The following FTO variants were observed in gnomAD, a reference collection of about 807,000 sequenced individuals.
The protein encoded by FTO is FTO alpha-ketoglutarate dependent dioxygenase.
Under a neutral mutation model 63.9 loss-of-function variants are expected in FTO, and 47 were observed. The ratio of observed to expected loss-of-function variants is 0.74; its 90% confidence interval spans 0.58 to 0.94. The LOEUF is 0.94. Ranked by LOEUF, FTO falls within the 40% of genes least tolerant of loss-of-function variation. The pLI is 0.00. For synonymous variants in FTO, 207 were observed against 224.4 expected (o/e 0.92, Z 0.69); for missense variants, 562 against 618.1 (o/e 0.91, Z 0.96).
chr16:54,106,267 G>A (rs1390228206), intron 8 of FTO, among the ~76,000 whole-genome samples: 1 of 151,886 alleles, frequency 6.6e-6, no homozygotes, highest in Non-Finnish European at 1.5e-5. Flanking sequence ...TTGGTCAGGA[G>A]GACCTCTAGA....
intron 8 of FTO, among the ~76,000 whole-genome samples, chr16:54,075,994 C>T (rs1341405703): frequency 6.6e-6 from 1 of 152,122 alleles, no homozygotes; most frequent in Non-Finnish European, 1.5e-5. Context: ...TCCCCATCTT[C>T]CCCTAGCTCA....
chr16:53,887,048 A>G (rs561986338), intron 6 of FTO: 7 of 152,320 alleles, frequency 4.6e-5, no homozygotes, highest in African/African-American at 7.2e-5. Flanking sequence ...ACAATTTTAT[A>G]TATTTCCATA....
At chr16:53,977,446 C>T (rs1185994188) in intron 8 of FTO, among the ~76,000 whole-genome samples, 1 of 151,998 alleles carries the variant, frequency 6.6e-6, no homozygotes, top group Admixed American at 6.6e-5. Flanking sequence ...GCTCTCTGAC[C>T]CTGGTTAACA....
intron 7 of FTO, among the ~76,000 whole-genome samples, chr16:53,904,149 C>T (rs1470371717): frequency 1.3e-5 from 2 of 151,824 alleles, no homozygotes; most frequent in Admixed American, 1.3e-4. Flanking sequence ...GCCAGTTTCC[C>T]AACATCCTCA....
intron 8 of FTO, among the ~76,000 whole-genome samples, chr16:54,064,746 C>T (rs1227502570): frequency 3.3e-5 from 5 of 152,050 alleles, no homozygotes; most frequent in African/African-American, 7.2e-5. Context: ...GTAAATCTCC[C>T]GGTGCACACC....
intron 8 of FTO, among the ~76,000 whole-genome samples, chr16:53,959,558 GTGTT>G (rs558685749): frequency 4.6e-5 from 7 of 151,566 alleles, no homozygotes; most frequent in African/African-American, 1.5e-4. Context: ...CATTTATTGA[GTGTT>G]TGTACTGGAC....
chr16:53,908,775 G>A (rs2081604647), intron 7 of FTO, among the ~76,000 whole-genome samples: 1 of 152,198 alleles, frequency 6.6e-6, no homozygotes, highest in Non-Finnish European at 1.5e-5. Context: ...CTGGCCCAGG[G>A]TAGATCCCCC....
At chr16:53,844,918 T>G (rs947846291) in intron 4 of FTO, among the ~76,000 whole-genome samples, 1 of 152,022 alleles carries the variant, frequency 6.6e-6, no homozygotes, top group African/African-American at 2.4e-5. Flanking sequence ...GAGAGTTTTT[T>G]TTTTTTTTCT....
chr16:53,949,818 T>C (rs536022510), intron 8 of FTO, among the ~76,000 whole-genome samples: 55 of 152,122 alleles, frequency 3.6e-4, no homozygotes, highest in Non-Finnish European at 6.8e-4. Flanking sequence ...GGATAAATAA[T>C]GTCTTTTCCA....
chr16:53,968,483 A>C (rs974115997), intron 8 of FTO, among the ~76,000 whole-genome samples: 6 of 152,334 alleles, frequency 3.9e-5, no homozygotes, highest in Admixed American at 2.6e-4. Context: ...GAAATACACC[A>C]TCTAAAATCA....
chr16:53,754,294 T>C, intron 1 of FTO, among the ~76,000 whole-genome samples: 1 of 152,208 alleles, frequency 6.6e-6, no homozygotes, highest in East Asian at 1.9e-4. Context: ...AGAGCTGAAT[T>C]TGGAATTTAG....
chr16:54,007,663 G>A (rs542612153), intron 8 of FTO, among the ~76,000 whole-genome samples: 1 of 152,298 alleles, frequency 6.6e-6, no homozygotes, highest in South Asian at 2.1e-4. Flanking sequence ...CAGTGGCGTG[G>A]AGATAAAAGA....
intron 8 of FTO, among the ~76,000 whole-genome samples, chr16:54,023,155 G>A (rs759921545): frequency 3.3e-5 from 5 of 152,202 alleles, no homozygotes; most frequent in Admixed American, 6.5e-5. Flanking sequence ...GGCCAAACAG[G>A]ACTAGCAATT....
intron 3 of FTO, among the ~76,000 whole-genome samples, chr16:53,834,627 A>T (rs940278612): frequency 6.6e-6 from 1 of 152,146 alleles, no homozygotes; most frequent in Admixed American, 6.5e-5. Flanking sequence ...ATACTGTGTT[A>T]TTTTTAGTTT....
intron 8 of FTO, among the ~76,000 whole-genome samples, chr16:54,057,996 T>C (rs906723419): frequency 6.6e-6 from 1 of 152,174 alleles, no homozygotes. Context: ...AGAAGACTCA[T>C]TCCCACGGCC....
intron 1 of FTO, among the ~76,000 whole-genome samples, chr16:53,803,949 A>G (rs565177984): frequency 6.6e-6 from 1 of 152,230 alleles, no homozygotes; most frequent in East Asian, 1.9e-4. Flanking sequence ...GTATAATTTG[A>G]TGTGGTACAC....
intron 2 of FTO, among the ~76,000 whole-genome samples, chr16:53,815,190 A>G (rs2078640581): frequency 6.6e-6 from 1 of 152,132 alleles, no homozygotes; most frequent in Non-Finnish European, 1.5e-5. Flanking sequence ...GAGGCATGAG[A>G]AGGCTTGGAG....
At chr16:53,837,201 A>G (rs1240477355) in intron 3 of FTO, among the ~76,000 whole-genome samples, 2 of 152,084 alleles carry the variant, frequency 1.3e-5, no homozygotes, top group Non-Finnish European at 2.9e-5. Flanking sequence ...TCCTTTTCAT[A>G]CTTTCAATTT....
In FTO at chr16:53,788,745, A is replaced by T. The variant is rs116474235; in HGVS notation, c.46-21395A>T. On this transcript the variant is annotated intron_variant, in intron 1 of 8. Coordinates refer to ENST00000471389, the MANE Select transcript of FTO (RefSeq NM_001080432.3). ...TACCTGTCTTTAGTATCATAGGGGTAGTTACCTCAGCGGGGGTAGGGAGAC... is the reference window on the plus strand; with the variant it reads ...TACCTGTCTTTAGTATCATAGGGGTTGTTACCTCAGCGGGGGTAGGGAGAC... Among the ~76,000 whole-genome samples the T allele has an allele frequency of 2.5e-3, 380 of 152,102 alleles. 2 individuals carry two copies. The highest frequency in any genetic ancestry group is 8.8e-3 in the African/African-American group (366 of 41,492).
Sources: allele counts gnomAD v4.1 joint callset (sites outside exome capture counted in the v4.1 genomes callset), GRCh38; gene constraint gnomAD v4.1.1; transcripts MANE v1.5; gene names NCBI Gene and HGNC (gene_info 2026-07-23, HGNC 2026-07-21).